Variants in DAB1 observed in about 807,000 individuals in gnomAD.
DAB1 encodes DAB adaptor protein 1.
DAB1 carries 15 observed loss-of-function variants against 64.6 expected under a neutral mutation model. The observed-to-expected ratio is 0.23, with a 90% confidence interval of 0.16 to 0.36. The LOEUF (loss-of-function observed/expected upper bound fraction) is 0.36, where lower values mean the gene tolerates loss of function less well. DAB1 is among the 10% of genes least tolerant of loss of function. DAB1 has a pLI of 1.00. For synonymous variants in DAB1, 235 were observed against 251.9 expected (o/e 0.93, Z 0.64); for missense variants, 596 against 706.7 (o/e 0.84, Z 1.78).
chr1:57,373,144 C>A (rs1175222176), intron 1 of DAB1, among the ~76,000 whole-genome samples: 1 of 152,176 alleles, frequency 6.6e-6, no homozygotes, highest in Non-Finnish European at 1.5e-5. Context: ...GTGCTTGTGA[C>A]ACTGTCCACT....
At chr1:57,400,581 A>G (rs1371909013) in intron 1 of DAB1, among the ~76,000 whole-genome samples, 1 of 151,966 alleles carries the variant, frequency 6.6e-6, no homozygotes. Context: ...CAAGCCAGAA[A>G]AAGTATTTTT....
At chr1:57,636,159 A>G (rs1646054671) in intron 7 of DAB1, among the ~76,000 whole-genome samples, 1 of 150,998 alleles carries the variant, frequency 6.6e-6, no homozygotes, top group Middle Eastern at 3.2e-3. Flanking sequence ...AAAACACTGG[A>G]GCACTCTCTC....
At position 57,299,487 on chromosome 1, in the gene DAB1, C is replaced by T. The variant is rs547186206; in HGVS notation, c.-136-8321G>A. Among the ~76,000 whole-genome samples the T allele has an allele frequency of 8.5e-5, 13 of 152,250 alleles. No individual in the cohort carries two copies. In the East Asian group the frequency reaches 1.3e-3, roughly 16 times the overall value. ...AGAACCAGGTTTTAGCAACATTAAA[C>T]GAATTTATTTGACAGCAACATGGCA... is the stretch of plus-strand genomic sequence containing the variant. On this transcript the variant is annotated intron_variant, in intron 1 of 14. Transcript: ENST00000371236.
intron 3 of DAB1, among the ~76,000 whole-genome samples, chr1:58,382,587 T>G (rs1350151302): frequency 1.3e-5 from 2 of 152,144 alleles, no homozygotes; most frequent in Non-Finnish European, 2.9e-5. Flanking sequence ...GGAATATTCC[T>G]CAAAATACTG....
chr1:58,137,982 G>A (rs1029888236), intron 5 of DAB1, among the ~76,000 whole-genome samples: 1 of 152,040 alleles, frequency 6.6e-6, no homozygotes, highest in Non-Finnish European at 1.5e-5. Flanking sequence ...GTCAAGACCT[G>A]TACTTACAGC....
At chr1:58,411,083 G>A (rs1207219468) in intron 3 of DAB1, among the ~76,000 whole-genome samples, 2 of 152,208 alleles carry the variant, frequency 1.3e-5, no homozygotes, top group East Asian at 1.9e-4. Context: ...ATATCCCTCA[G>A]GCCTCTGCAT....
At chr1:58,394,166 G>A (rs1394207996) in intron 3 of DAB1, among the ~76,000 whole-genome samples, 1 of 152,120 alleles carries the variant, frequency 6.6e-6, no homozygotes, top group East Asian at 1.9e-4. Context: ...AAACCTCAAT[G>A]AGATATGATT....
chr1:57,307,379 G>A (rs1674273764), intron 1 of DAB1: 1 of 152,268 alleles, frequency 6.6e-6, no homozygotes, highest in South Asian at 2.1e-4. Context: ...CCTAGTACAG[G>A]TACTGCCACC....
At chr1:57,423,693 G>A (rs1179909333) in intron 1 of DAB1, among the ~76,000 whole-genome samples, 1 of 152,084 alleles carries the variant, frequency 6.6e-6, no homozygotes. Flanking sequence ...ATGGGGGGCA[G>A]GACAGAGAAA....
Position 57,015,554 on chromosome 1 carries a change from G to A in DAB1, c.896-123C>T, listed in dbSNP as rs1646402832. 11 of 850,382 alleles carry A rather than the reference G, an allele frequency of 1.3e-5. No individual in the cohort carries two copies. The South Asian group carries it at 1.8e-4, about 14-fold the overall frequency. The allele number at this position is 850,382 out of a possible 1,614,324, so 52.7% of individuals were successfully genotyped here. On this transcript the variant is annotated intron_variant, in intron 11 of 14. Coordinates refer to ENST00000371236, the MANE Select transcript of DAB1 (RefSeq NM_001365792.1). ...ACTAAGTGCCAGACTGTGTGCCAGG[G>A]ACTGGGGATGCCAAGATGAACAAGA...
rs1557610433 is a variant in DAB1 at position 58,015,538 on chromosome 1, T to C, written n.388-131376A>G. Among the ~76,000 whole-genome samples, 3 of 152,198 alleles carry C rather than the reference T, an allele frequency of 2.0e-5. No homozygotes were observed. The East Asian group carries it at 5.8e-4, about 29-fold the overall frequency. ...GCCAAGACTACCCATGACAAGCTTG[T>C]CCTGAGCAGGGGCCCAGCATCCATG... On this transcript the variant is annotated intron_variant and non_coding_transcript_variant, in intron 5 of 20. Transcript: ENST00000485760.
At chr1:58,026,532 G>T (rs1424040827) in intron 5 of DAB1, among the ~76,000 whole-genome samples, 2 of 152,152 alleles carry the variant, frequency 1.3e-5, no homozygotes. Context: ...AGCTATACTT[G>T]TTATTGGTGC....
In DAB1 at chr1:58,004,296, C is replaced by T. The variant is rs150797937; in HGVS notation, n.388-120134G>A. Among the ~76,000 whole-genome samples the T allele has an allele frequency of 1.7e-3, 252 of 152,296 alleles. 3 individuals are homozygous for T. The highest frequency in any genetic ancestry group is 5.8e-3 in the African/African-American group (240 of 41,562). ...CAGAAATTGAGGCTAAGTGCCCTGGCTGAGGTCACGCAGCTAGTTGGTGGC... is the reference window on the plus strand; with the variant it reads ...CAGAAATTGAGGCTAAGTGCCCTGGTTGAGGTCACGCAGCTAGTTGGTGGC... On this transcript the variant is annotated intron_variant and non_coding_transcript_variant, in intron 5 of 20. Coordinates refer to the DAB1 transcript ENST00000485760.
intron 2 of DAB1, among the ~76,000 whole-genome samples, chr1:57,200,053 C>G (rs1484627155): frequency 1.3e-5 from 2 of 152,158 alleles, no homozygotes; most frequent in Middle Eastern, 3.2e-3. Flanking sequence ...TCCATTTAAT[C>G]AAGTCCTTAT....
At chr1:58,000,623 T>G (rs1646493333) in intron 5 of DAB1, among the ~76,000 whole-genome samples, 1 of 141,718 alleles carries the variant, frequency 7.1e-6, no homozygotes, top group African/African-American at 2.6e-5. Context: ...CAGGCTGGAG[T>G]GCAATGGGGC....
intron 7 of DAB1, among the ~76,000 whole-genome samples, chr1:57,645,383 G>T (rs1345880810): frequency 6.6e-6 from 1 of 152,098 alleles, no homozygotes; most frequent in East Asian, 1.9e-4. Flanking sequence ...TTCCAGCCAG[G>T]GAGGGCTCCT....
intron 5 of DAB1, among the ~76,000 whole-genome samples, chr1:58,098,018 A>G (rs539733418): frequency 3.9e-5 from 6 of 152,188 alleles, no homozygotes; most frequent in South Asian, 4.1e-4. Context: ...TGAAACATTT[A>G]TTGACCATTT....
At chr1:57,613,172 C>T (rs1363374971) in intron 7 of DAB1, among the ~76,000 whole-genome samples, 3 of 152,310 alleles carry the variant, frequency 2.0e-5, no homozygotes, top group South Asian at 4.1e-4. Context: ...GTGAATATAG[C>T]AGCTAGTATT....
At chr1:58,262,120 AATAG>A (rs1198124675) in intron 4 of DAB1, among the ~76,000 whole-genome samples, 2 of 152,302 alleles carry the variant, frequency 1.3e-5, no homozygotes, top group East Asian at 1.9e-4. Flanking sequence ...CCCCAGATAG[AATAG>A]ATAAAGTGAG....
Sources: gnomAD v4.1 joint callset for allele counts (sites outside exome capture counted in the v4.1 genomes callset) on GRCh38, gnomAD v4.1.1 for gene constraint, MANE v1.5 for transcripts, NCBI Gene and HGNC (gene_info 2026-07-23, HGNC 2026-07-21) for gene names.